The following DPYSL4 variants were observed in gnomAD, a reference collection of about 807,000 sequenced individuals.
DPYSL4 encodes dihydropyrimidinase like 4.
DPYSL4 carries 43 observed loss-of-function variants against 63.4 expected under a neutral mutation model. The observed-to-expected ratio is 0.68, with a 90% confidence interval of 0.53 to 0.88. The LOEUF (loss-of-function observed/expected upper bound fraction) is 0.88, where lower values mean the gene tolerates loss of function less well. Ranked by LOEUF, DPYSL4 falls within the 40% of genes least tolerant of loss-of-function variation. DPYSL4 has a pLI of 0.00. For missense variants in DPYSL4, 733 were observed against 819.5 expected, an observed-to-expected ratio of 0.89 and a Z score of 1.29; for synonymous variants, 353 against 331.7, an observed-to-expected ratio of 1.06 and a Z score of -0.70.
At chr10:132,192,544 T>G in intron 2 of DPYSL4, 114 bp from the exon 3 acceptor site, 1 of 1,453,694 alleles carries the variant, frequency 6.9e-7, no homozygotes, top group South Asian at 1.5e-5. Flanking sequence ...CGTGCTGGCC[T>G]TTTCCTCGGG....
chr10:132,190,699 CTGAG>C (rs2061862965), intron 1 of DPYSL4, 44 bp from the exon 2 acceptor site: 2 of 1,561,488 alleles, frequency 1.3e-6, no homozygotes, highest in East Asian at 2.3e-5. Flanking sequence ...AAGAGTGTTA[CTGAG>C]TAACTCAGTT....
intron 11 of DPYSL4, 116 bp from the exon 12 acceptor site, chr10:132,202,530 G>A (rs1338874421): frequency 7.4e-7 from 1 of 1,353,092 alleles, no homozygotes; most frequent in East Asian, 2.4e-5. Context: ...GGGGCTCAGT[G>A]TAGGCACACC....
At chr10:132,194,246 G>C (rs1367734715) in intron 3 of DPYSL4, among the ~76,000 whole-genome samples, 1 of 152,254 alleles carries the variant, frequency 6.6e-6, no homozygotes, top group Non-Finnish European at 1.5e-5. Context: ...GCGCCCTCCT[G>C]TCCGACCACC....
In DPYSL4 at chr10:132,204,944, G is replaced by GCCT. The variant is rs746112491; in HGVS notation, c.*16_*17insTCC. On this transcript the variant is annotated 3_prime_UTR_variant, in exon 14 of 14. Coordinates refer to ENST00000338492, the MANE Select transcript of DPYSL4 (RefSeq NM_006426.3). Reference sequence around the variant, plus strand: ...TCTCTCTCCTAGACGCCCAGGACCGGCCCTGTGAGCCGTGCTGGCCCCACC... The same window carrying GCCT: ...TCTCTCTCCTAGACGCCCAGGACCGGCCTCCCTGTGAGCCGTGCTGGCCCCACC... 6.4e-7 allele frequency: 1 copy of GCCT among 1,570,430 alleles called. No homozygotes were observed. Among genetic ancestry groups the GCCT allele is most frequent in the Admixed American group, 1.8e-5 (1 of 56,460 alleles).
rs1198019558 is a variant in DPYSL4 at position 132,203,832 on chromosome 10, A to T, written c.1532A>T (p.Lys511Met). Reference sequence around the variant, plus strand: ...GTCCACGAGGTGATGGTGCCTGCCAAGCCAGGGAGTGGCGCTCCGGCCCGC... The same window carrying T: ...GTCCACGAGGTGATGGTGCCTGCCATGCCAGGGAGTGGCGCTCCGGCCCGC... ...GPVHEVMVPA[K>M]PGSGAPARAS... The change falls in exon 13 of 14, where the codon AAG (lysine) becomes ATG (methionine). Residue 511 changes from lysine (K) to methionine (M), a missense_variant. By Grantham distance (95) the Lys-to-Met change is moderately conservative. Coordinates refer to ENST00000338492, the MANE Select transcript of DPYSL4 (RefSeq NM_006426.3). The T allele has an allele frequency of 6.2e-7, 1 of 1,612,870 alleles. No homozygotes were observed. The highest frequency in any genetic ancestry group is 1.7e-5 in the Admixed American group (1 of 60,012).
chr10:132,200,776 C>A, intron 9 of DPYSL4, 66 bp from the exon 10 acceptor site: 1 of 1,571,660 alleles, frequency 6.4e-7, no homozygotes, highest in Non-Finnish European at 8.6e-7. Flanking sequence ...GCCAAGGGGG[C>A]TGGAGCTGAC....
rs139404003 is a variant in DPYSL4 at position 132,203,850 on chromosome 10, C to T, written c.1550C>T (p.Pro517Leu). The change falls in exon 13 of 14, where the codon CCG becomes CTG. Residue 517 changes from proline (P) to leucine (L), a missense_variant. Coordinates refer to ENST00000338492, the MANE Select transcript of DPYSL4 (RefSeq NM_006426.3). ...CCTGCCAAGCCAGGGAGTGGCGCTCCGGCCCGCGCGTCCTGCCCAGGCAAG... is the reference window on the plus strand; with the variant it reads ...CCTGCCAAGCCAGGGAGTGGCGCTCTGGCCCGCGCGTCCTGCCCAGGCAAG... ...MVPAKPGSGA[P>L]ARASCPGKIS... The T allele has an allele frequency of 3.7e-5, 59 of 1,612,898 alleles. No individual in the cohort carries two copies. In the African/African-American group the frequency reaches 4.5e-4, roughly 12 times the overall value.
At chr10:132,196,626 C>T (rs1389215406) in intron 4 of DPYSL4, among the ~76,000 whole-genome samples, 24 of 152,226 alleles carry the variant, frequency 1.6e-4, no homozygotes, top group African/African-American at 5.1e-4. Flanking sequence ...GTTCCTAACC[C>T]GGAGCACAGG....
At chr10:132,198,669 T>C (rs932467798) in intron 7 of DPYSL4, among the ~76,000 whole-genome samples, 182 bp from the exon 8 acceptor site, 5 of 152,186 alleles carry the variant, frequency 3.3e-5, no homozygotes, top group African/African-American at 1.2e-4. Context: ...CCCTACAGCC[T>C]GTACCCGAGG....
At chr10:132,198,311 G>C in intron 6 of DPYSL4, 104 bp from the exon 7 acceptor site, 1 of 1,133,642 alleles carries the variant, frequency 8.8e-7, no homozygotes, top group African/African-American at 1.5e-5. Context: ...AGGCCTGGGG[G>C]TCCAGGACCA....
At position 132,202,067 on chromosome 10, in the gene DPYSL4, T is replaced by C. The variant is rs1042117338; in HGVS notation, c.1232T>C (p.Ile411Thr). The C allele has an allele frequency of 6.2e-7, 1 of 1,613,036 alleles. No individual in the cohort carries two copies. The highest frequency in any genetic ancestry group is 1.3e-5 in the African/African-American group (1 of 75,006). Residue 411 changes from isoleucine (I) to threonine (T), a missense_variant, in exon 11 of 14, where the codon ATA becomes ACA. By Grantham distance (89) the Ile-to-Thr change is moderately conservative. Transcript: ENST00000338492. The part of the protein sequence containing the change: ...VAVGSDADLV[I>T]WNPKATKIIS... ...GTGGGCTCTGACGCTGACCTGGTCA[T>C]ATGGAACCCCAAGGCCACCAAGATC...
rs2061970631 is a variant in DPYSL4 at position 132,198,325 on chromosome 10, G to C, written c.622-90G>C. On this transcript the variant is annotated intron_variant, in intron 6 of 13. Coordinates refer to ENST00000338492, the MANE Select transcript of DPYSL4 (RefSeq NM_006426.3). ...GAGGCCTGGGGGTCCAGGACCACTT[G>C]GGGAATGGGGCCTCCCAGCCTTGGG... The C allele has an allele frequency of 3.8e-6, 5 of 1,330,754 alleles. No homozygotes were observed. The South Asian group carries it at 6.5e-5, about 17-fold the overall frequency. 82.4% of individuals were successfully genotyped at this position (1,330,754 alleles called of 1,614,324 possible).
rs35787507 is a variant in DPYSL4, at chr10:132,205,186, G to A, written c.*256G>A. On this transcript the variant is annotated 3_prime_UTR_variant, in exon 14 of 14. Coordinates refer to ENST00000338492, the MANE Select transcript of DPYSL4 (RefSeq NM_006426.3). The stretch of plus-strand genomic sequence containing the variant: ...GGAGCCACATGGCAGGGACAATGCC[G>A]GCAGCCTGAGCCCAGGCACCCCAGT... 120 of 333,088 alleles carry A rather than the reference G, an allele frequency of 3.6e-4. No individual in the cohort carries two copies. Among genetic ancestry groups the A allele is most frequent in the African/African-American group, 2.1e-3 (99 of 47,148 alleles). The allele number at this position is 333,088 out of a possible 1,614,324, so 20.6% of individuals were successfully genotyped here. A position where few individuals can be genotyped will look rare whatever the true frequency, so the allele number is the denominator to read the frequency against.
chr10:132,203,930 G>A lies in DPYSL4; in HGVS notation c.1627+3G>A. 6.3e-7 allele frequency: 1 copy of A among 1,594,442 alleles called. No homozygotes were observed. Among genetic ancestry groups the A allele is most frequent in the Non-Finnish European group, 8.6e-7 (1 of 1,165,280 alleles). On this transcript the variant is annotated splice_donor_region_variant and intron_variant, in intron 13 of 13. Transcript: ENST00000338492. Reference sequence around the variant, plus strand: ...TCAGTCGGGGTTCAGCCTATCTGGTGAGTTGGGCCTGGGGCACCAGTGGGG... The same window carrying A: ...TCAGTCGGGGTTCAGCCTATCTGGTAAGTTGGGCCTGGGGCACCAGTGGGG...
chr10:132,198,423 G>T lies in DPYSL4; in HGVS notation c.630G>T (p.Lys210Asn). 1 of 1,606,378 alleles carries T rather than the reference G, an allele frequency of 6.2e-7. No individual in the cohort carries two copies. The highest frequency in any genetic ancestry group is 8.5e-7 in the Non-Finnish European group (1 of 1,177,816). The change falls in exon 7 of 14, where the codon AAG becomes AAT. Residue 210 changes from lysine to asparagine, a missense_variant. Coordinates refer to ENST00000338492, the MANE Select transcript of DPYSL4 (RefSeq NM_006426.3). ...CCTGTTGGTTTCTTTAGGAGCAGAA[G>T]CGGTTGCTGGAGCTCGGCATCACTG... ...ENGDIVEEEQKRLLELGITGP... is the reference protein window; with the variant it reads ...ENGDIVEEEQNRLLELGITGP...
chr10:132,188,889 G>C (rs1010072582), intron 1 of DPYSL4, among the ~76,000 whole-genome samples: 1 of 152,208 alleles, frequency 6.6e-6, no homozygotes, highest in Non-Finnish European at 1.5e-5. Context: ...AGAGGTAGAG[G>C]GTTGGGTCTG....
rs577111365 is a variant in DPYSL4, at chr10:132,188,090, C to A, written c.39+988C>A. ...GCTGCTGCCTCCAGAGGGTTCTGCCCGGCTGGGTCTGGTCTTGATGCAGGA... is the reference window on the plus strand; with the variant it reads ...GCTGCTGCCTCCAGAGGGTTCTGCCAGGCTGGGTCTGGTCTTGATGCAGGA... On this transcript the variant is annotated intron_variant, in intron 1 of 13. Transcript: ENST00000338492. 2.6e-5 allele frequency among the ~76,000 whole-genome samples: 4 copies of A among 152,258 alleles called. No homozygotes were observed. The South Asian group carries it at 8.3e-4, about 32-fold the overall frequency.
intron 2 of DPYSL4, among the ~76,000 whole-genome samples, chr10:132,191,420 C>A (rs1156663929): frequency 7.8e-6 from 1 of 127,420 alleles, no homozygotes; most frequent in Non-Finnish European, 1.7e-5. Flanking sequence ...GTTCCCAGCT[C>A]GTGTGTACAC....
Position 132,202,771 on chromosome 10 carries a change from C to A in DPYSL4, c.1407C>A (p.Val469=). The A allele has an allele frequency of 1.2e-6, 2 of 1,612,240 alleles. No individual in the cohort carries two copies. The highest frequency in any genetic ancestry group is 1.3e-5 in the African/African-American group (1 of 75,066). The change falls in exon 12 of 14, where the codon GTC becomes GTA. Residue 469 remains valine (V), a synonymous_variant. Coordinates refer to ENST00000338492, the MANE Select transcript of DPYSL4 (RefSeq NM_006426.3). ...TCACCCCGGGGGCGGGCCGCTTCGTCCCTCGGAAAACATTCCCGGACTTTG... is the reference window on the plus strand; with the variant it reads ...TCACCCCGGGGGCGGGCCGCTTCGTACCTCGGAAAACATTCCCGGACTTTG... The part of the protein sequence containing the change: ...MFVTPGAGRF[V]PRKTFPDFVY...
Sources: allele counts gnomAD v4.1 joint callset (sites outside exome capture counted in the v4.1 genomes callset), GRCh38; gene constraint gnomAD v4.1.1; transcripts MANE v1.5; gene names NCBI Gene and HGNC (gene_info 2026-07-23, HGNC 2026-07-21).